TUSC3: variants seen among roughly 807,000 people sequenced by gnomAD.
TUSC3 encodes the protein dolichyl-diphosphooligosaccharide--protein glycosyltransferase subunit TUSC3.
TUSC3 carries 45 observed loss-of-function variants against 44.8 expected under a neutral mutation model. That is an observed-to-expected ratio of 1.00 (90% confidence interval 0.79 to 1.29). TUSC3 has a LOEUF of 1.29. Ranked by LOEUF, TUSC3 falls within the 50% of genes most tolerant of loss-of-function variation. The pLI is 0.00. For missense variants in TUSC3, 519 were observed against 437.9 expected (o/e 1.19, Z -1.65); for synonymous variants, 212 against 152.9 (o/e 1.39, Z -2.85).
chr8:15,698,592 A>AG (rs1018797440), intron 6 of TUSC3, among the ~76,000 whole-genome samples: 1 of 152,134 alleles, frequency 6.6e-6, no homozygotes, highest in African/African-American at 2.4e-5. Flanking sequence ...CAGCACCTAA[A>AG]TTGTTTATAC....
intron 3 of TUSC3, among the ~76,000 whole-genome samples, chr8:15,652,965 ATACT>A (rs1256825974): frequency 6.6e-6 from 1 of 152,244 alleles, no homozygotes; most frequent in Non-Finnish European, 1.5e-5. Flanking sequence ...TACTAAGTAC[ATACT>A]TAGTGTATTA....
chr8:15,747,543 G>T (rs1208098572), intron 8 of TUSC3, among the ~76,000 whole-genome samples: 1 of 151,916 alleles, frequency 6.6e-6, no homozygotes, highest in Non-Finnish European at 1.5e-5. Context: ...TGTACTAACT[G>T]CAGTGAATCT....
At chr8:15,728,167 C>A (rs1365420493) in intron 6 of TUSC3, among the ~76,000 whole-genome samples, 2 of 152,136 alleles carry the variant, frequency 1.3e-5, no homozygotes, top group Non-Finnish European at 2.9e-5. Flanking sequence ...GTTTTTCTCA[C>A]ACATCTGAGA....
At chr8:15,468,671 C>A (rs1025975265) in intron 1 of TUSC3, among the ~76,000 whole-genome samples, 2 of 152,130 alleles carry the variant, frequency 1.3e-5, no homozygotes, top group Non-Finnish European at 2.9e-5. Flanking sequence ...GACTATAAAA[C>A]CTTTCTAGGC....
chr8:15,728,256 G>T (rs1325186844), intron 6 of TUSC3, among the ~76,000 whole-genome samples: 1 of 152,138 alleles, frequency 6.6e-6, no homozygotes, highest in Non-Finnish European at 1.5e-5. Context: ...CAACTCTAGG[G>T]TAGAGTCAGG....
the TUSC3 span, among the ~76,000 whole-genome samples, chr8:15,784,301 A>G: frequency 6.6e-6 from 1 of 152,180 alleles, no homozygotes; most frequent in African/African-American, 2.4e-5. Context: ...TCCTCAAAAC[A>G]CTAAAAATAG....
intron 1 of TUSC3, among the ~76,000 whole-genome samples, chr8:15,588,774 A>T (rs933720641): frequency 9.9e-5 from 15 of 152,068 alleles, no homozygotes; most frequent in Non-Finnish European, 2.1e-4. Context: ...ATATGGATGG[A>T]TAGTCAGTTT....
At position 15,490,591 on chromosome 8, in the gene TUSC3, C is replaced by T. The variant is rs529132193; in HGVS notation, n.189+7108C>T. Among the ~76,000 whole-genome samples the T allele has an allele frequency of 2.7e-3, 410 of 152,284 alleles. 4 individuals carry two copies. Among genetic ancestry groups the T allele is most frequent in the African/African-American group, 9.5e-3 (395 of 41,566 alleles). On this transcript the variant is annotated intron_variant and non_coding_transcript_variant, in intron 2 of 5. Transcript: ENST00000503191. Reference sequence around the variant, plus strand: ...GGAGCTCCCAAGCCCAGCTCAGACACAAAGTGTGCAGCTGCCAGGTGTGCT... The same window carrying T: ...GGAGCTCCCAAGCCCAGCTCAGACATAAAGTGTGCAGCTGCCAGGTGTGCT...
At chr8:15,832,354 C>G in the TUSC3 span, among the ~76,000 whole-genome samples, 1 of 152,106 alleles carries the variant, frequency 6.6e-6, no homozygotes. Flanking sequence ...AGACCTGTGA[C>G]ACTACACATC....
the TUSC3 span, among the ~76,000 whole-genome samples, chr8:15,842,675 T>C: frequency 2.0e-5 from 3 of 152,290 alleles, no homozygotes; most frequent in East Asian, 1.9e-4. Flanking sequence ...ACAGCTACCG[T>C]TCCTGCTTCC....
At chr8:15,542,674 T>G (rs1801731391) in intron 1 of TUSC3, among the ~76,000 whole-genome samples, 1 of 152,224 alleles carries the variant, frequency 6.6e-6, no homozygotes, top group African/African-American at 2.4e-5. Context: ...TATAATTAAA[T>G]CTAAATTACA....
At chr8:15,732,654 A>G (rs1250801545) in intron 7 of TUSC3, among the ~76,000 whole-genome samples, 1 of 152,188 alleles carries the variant, frequency 6.6e-6, no homozygotes, top group East Asian at 1.9e-4. Flanking sequence ...CTAGAGCAAC[A>G]TTTTTGAACC....
At chr8:15,814,804 A>G in the TUSC3 span, among the ~76,000 whole-genome samples, 1 of 152,216 alleles carries the variant, frequency 6.6e-6, no homozygotes, top group East Asian at 1.9e-4. Context: ...GCACAAAAAT[A>G]TTCATGAATA....
At position 15,446,255 on chromosome 8, in the gene TUSC3, C is replaced by T. The variant is rs368165008; in HGVS notation, n.91+28950C>T. 2.7e-4 allele frequency among the ~76,000 whole-genome samples: 41 copies of T among 151,242 alleles called. 1 individual carries two copies. The East Asian group carries it at 4.6e-3, about 17-fold the overall frequency. On this transcript the variant is annotated intron_variant and non_coding_transcript_variant, in intron 1 of 5. Coordinates refer to the TUSC3 transcript ENST00000503191. The stretch of plus-strand genomic sequence containing the variant: ...CTCACTTCCTAGATGGGATGGCGGC[C>T]GGGAAGAGGCGCTCCTCACTTCCCA...
intron 1 of TUSC3, among the ~76,000 whole-genome samples, chr8:15,606,626 T>G (rs1804539654): frequency 6.6e-6 from 1 of 152,124 alleles, no homozygotes; most frequent in African/African-American, 2.4e-5. Flanking sequence ...TCATACCATG[T>G]TATGATGTAA....
chr8:15,737,814 C>T (rs1270552882), intron 7 of TUSC3, among the ~76,000 whole-genome samples: 2 of 152,024 alleles, frequency 1.3e-5, no homozygotes, highest in Non-Finnish European at 2.9e-5. Flanking sequence ...AGAAATGCCA[C>T]GTAAGAACAG....
chr8:15,452,014 G>A (rs1443852281), intron 1 of TUSC3, among the ~76,000 whole-genome samples: 1 of 152,050 alleles, frequency 6.6e-6, no homozygotes, highest in South Asian at 2.1e-4. Context: ...TGTCTTACAA[G>A]AGTAATTAAA....
At chr8:15,465,105 C>A (rs892258208) in intron 1 of TUSC3, among the ~76,000 whole-genome samples, 4 of 152,144 alleles carry the variant, frequency 2.6e-5, no homozygotes, top group Admixed American at 6.6e-5. Flanking sequence ...GCCTTGGCTC[C>A]CAAATTGCTG....
At chr8:15,816,780 A>T in the TUSC3 span, among the ~76,000 whole-genome samples, 2 of 152,186 alleles carry the variant, frequency 1.3e-5, no homozygotes, top group Non-Finnish European at 2.9e-5. Context: ...CCTAGCACAT[A>T]ATTCAACGTC....
Sources: gnomAD v4.1 joint callset for allele counts (sites outside exome capture counted in the v4.1 genomes callset) on GRCh38, gnomAD v4.1.1 for gene constraint, MANE v1.5 for transcripts, NCBI Gene and HGNC (gene_info 2026-07-23, HGNC 2026-07-21) for gene names.